Variants in PHYHIPL observed in about 807,000 individuals in gnomAD.
PHYHIPL encodes the protein phytanoyl-CoA 2-hydroxylase interacting protein like, also known as phytanoyl-CoA hydroxylase-interacting protein-like.
Under a neutral mutation model 33.4 loss-of-function variants are expected in PHYHIPL, and 9 were observed. The observed-to-expected ratio is 0.27, with a 90% CI of 0.16 to 0.47. PHYHIPL has a LOEUF of 0.47. PHYHIPL is among the 20% of genes least tolerant of loss of function. The pLI is 0.99. For synonymous variants in PHYHIPL, 153 were observed against 154.1 expected (o/e 0.99, Z 0.05); for missense variants, 365 against 460.7 (o/e 0.79, Z 1.90).
At position 59,245,355 on chromosome 10, in the gene PHYHIPL, C is replaced by T. The variant is rs1026383317; in HGVS notation, c.895C>T (p.Arg299Cys). 1.2e-5 allele frequency: 19 copies of T among 1,614,010 alleles called. No homozygotes were observed. Among genetic ancestry groups the T allele is most frequent in the Non-Finnish European group, 1.5e-5 (18 of 1,180,028 alleles). The change falls in exon 5 of 5, where the codon CGC (arginine) becomes TGC (cysteine). Residue 299 changes from arginine (R) to cysteine (C), a missense_variant. By Grantham distance (180) the Arg-to-Cys change is radical. This residue lies in a region of PHYHIPL where 196 missense variants were observed against 224.9 expected (regional missense o/e 0.87). Coordinates refer to ENST00000373880, the MANE Select transcript of PHYHIPL (RefSeq NM_032439.4). Reference protein sequence around the residue: ...GSPGDEFCKQRLPQLNSKDNK... With the variant: ...GSPGDEFCKQCLPQLNSKDNK... Reference sequence around the variant, plus strand: ...ACCAGGAGATGAATTTTGTAAGCAGCGCCTTCCTCAACTAAATTCTAAGGA... The same window carrying T: ...ACCAGGAGATGAATTTTGTAAGCAGTGCCTTCCTCAACTAAATTCTAAGGA...
intron 1 of PHYHIPL, among the ~76,000 whole-genome samples, chr10:59,222,379 G>A (rs1238048241): frequency 1.3e-5 from 2 of 151,970 alleles, no homozygotes; most frequent in African/African-American, 4.8e-5. Context: ...AGGATTAGAT[G>A]CATAGAAAAG....
At chr10:59,244,392 C>A (rs376198192) in intron 4 of PHYHIPL, among the ~76,000 whole-genome samples, 4 of 151,604 alleles carry the variant, frequency 2.6e-5, no homozygotes, top group African/African-American at 9.7e-5. Flanking sequence ...GGTGAAACCC[C>A]GTCTGTAGTA....
chr10:59,218,311 C>A (rs72806595), intron 1 of PHYHIPL, among the ~76,000 whole-genome samples: 29,641 of 152,038 alleles, frequency 0.19, 3,619 homozygotes, highest in African/African-American at 0.33. Context: ...TCTTCCTGAT[C>A]AATTCACTCG....
intron 1 of PHYHIPL, among the ~76,000 whole-genome samples, chr10:59,189,918 G>A (rs1838736406): frequency 6.6e-6 from 1 of 151,970 alleles, no homozygotes; most frequent in African/African-American, 2.4e-5. Flanking sequence ...CTGGAGGAAA[G>A]AAGTGTGCCT....
chr10:59,240,548 A>G (rs561167705), intron 4 of PHYHIPL, among the ~76,000 whole-genome samples: 7 of 152,166 alleles, frequency 4.6e-5, no homozygotes, highest in Non-Finnish European at 1.0e-4. Context: ...TACAGTTTCT[A>G]CTGAATGTGC....
At chr10:59,225,011 A>C (rs1839887947) in intron 1 of PHYHIPL, among the ~76,000 whole-genome samples, 1 of 151,674 alleles carries the variant, frequency 6.6e-6, no homozygotes, top group Non-Finnish European at 1.5e-5. Context: ...AAAAACCAAA[A>C]AGGATGAAAA....
At chr10:59,203,830 T>C (rs1163479657) in intron 1 of PHYHIPL, among the ~76,000 whole-genome samples, 1 of 152,040 alleles carries the variant, frequency 6.6e-6, no homozygotes, top group Non-Finnish European at 1.5e-5. Flanking sequence ...GGTGAGTTAA[T>C]GGGTGCAGCA....
intron 1 of PHYHIPL, among the ~76,000 whole-genome samples, chr10:59,228,671 C>T (rs1389833165): frequency 2.6e-5 from 4 of 152,058 alleles, no homozygotes; most frequent in African/African-American, 9.7e-5. Context: ...GCTTTTTAAT[C>T]ACTAAAACTT....
Position 59,234,410 on chromosome 10 carries a change from A to G in PHYHIPL, c.213A>G (p.Glu71=), listed in dbSNP as rs144437409. 1.9e-6 allele frequency: 3 copies of G among 1,604,512 alleles called. No homozygotes were observed. The African/African-American group carries it at 4.0e-5, about 22-fold the overall frequency. The change falls in exon 2 of 5, where the codon GAA becomes GAG. Residue 71 remains glutamate (E), a synonymous_variant. Coordinates refer to ENST00000373880, the MANE Select transcript of PHYHIPL (RefSeq NM_032439.4). ...ITCDSFKISW[E]MDSKSKDRIT... ...GTGACTCATTCAAGATTTCATGGGA[A>G]ATGGATTCAAAATCAAAGGATCGCA...
intron 1 of PHYHIPL, among the ~76,000 whole-genome samples, chr10:59,195,697 C>T (rs1838892619): frequency 6.6e-6 from 1 of 152,134 alleles, no homozygotes; most frequent in East Asian, 1.9e-4. Flanking sequence ...TTTTAGGGTA[C>T]CATGTCTCGA....
intron 1 of PHYHIPL, among the ~76,000 whole-genome samples, chr10:59,204,922 T>C (rs1343590228): frequency 6.7e-6 from 1 of 150,246 alleles, no homozygotes; most frequent in South Asian, 2.1e-4. Context: ...TGGAGTGCAG[T>C]GGTGTGATCT....
intron 1 of PHYHIPL, among the ~76,000 whole-genome samples, chr10:59,206,597 G>GCTCAGTGAATACAACAAA (rs1839290683): frequency 6.6e-6 from 1 of 152,120 alleles, no homozygotes; most frequent in African/African-American, 2.4e-5. Flanking sequence ...AACAAACCAA[G>GCTCAGTGAATACAACAAA]CAAACTCAGT....
chr10:59,207,261 G>A (rs887748460), intron 1 of PHYHIPL, among the ~76,000 whole-genome samples: 9 of 152,098 alleles, frequency 5.9e-5, no homozygotes, highest in South Asian at 2.1e-4. Context: ...TAGACAGTGG[G>A]TGCAGCCAAC....
intron 1 of PHYHIPL, among the ~76,000 whole-genome samples, chr10:59,180,324 ATATATATATATAT>A (rs1172378804): frequency 3.0e-5 from 1 of 33,522 alleles, no homozygotes; most frequent in African/African-American, 1.3e-4. Flanking sequence ...GTATATATAT[ATATATATATATAT>A]ATATATATAT....
chr10:59,184,498 GT>G (rs1170562772), intron 1 of PHYHIPL, among the ~76,000 whole-genome samples: 1 of 152,168 alleles, frequency 6.6e-6, no homozygotes, highest in East Asian at 1.9e-4. Flanking sequence ...GATTAGGCGA[GT>G]CAGGCAGAGA....
At chr10:59,224,455 G>GAAAACAAAAC (rs1839862110) in intron 1 of PHYHIPL, among the ~76,000 whole-genome samples, 1 of 39,142 alleles carries the variant, frequency 2.6e-5, no homozygotes, top group Non-Finnish European at 8.1e-5. Context: ...CCTGTCTCAA[G>GAAAACAAAAC]GAAACAAAAC....
At chr10:59,206,182 A>G (rs1343880218) in intron 1 of PHYHIPL, among the ~76,000 whole-genome samples, 2 of 152,170 alleles carry the variant, frequency 1.3e-5, no homozygotes, top group African/African-American at 2.4e-5. Context: ...TATTTTGAAT[A>G]CCAGGATTTT....
At chr10:59,175,708 C>T (rs1325049379), upstream of PHYHIPL, among the ~76,000 whole-genome samples, 1 of 152,182 alleles carries the variant, frequency 6.6e-6, no homozygotes, top group Non-Finnish European at 1.5e-5. Flanking sequence ...AATGGGCATA[C>T]AAGTTATAGA....
intron 1 of PHYHIPL, among the ~76,000 whole-genome samples, chr10:59,203,652 C>A (rs1372421727): frequency 3.3e-5 from 5 of 151,956 alleles, no homozygotes; most frequent in South Asian, 2.1e-4. Context: ...TCATTCTGAG[C>A]AAACTATCGC....
Sources: gnomAD v4.1 joint callset for allele counts (sites outside exome capture counted in the v4.1 genomes callset) on GRCh38, gnomAD v4.1.1 for gene constraint, gnomAD v4.1.1 regional missense constraint, MANE v1.5 for transcripts, NCBI Gene and HGNC (gene_info 2026-07-23, HGNC 2026-07-21) for gene names.